Variants in IQGAP3 observed in about 807,000 individuals in gnomAD.
IQGAP3 encodes the protein IQ motif containing GTPase activating protein 3, also known as ras GTPase-activating-like protein IQGAP3.
IQGAP3 carries 165 observed loss-of-function variants against 208.2 expected under a neutral mutation model. The ratio of observed to expected loss-of-function variants is 0.79; its 90% CI spans 0.70 to 0.90. The LOEUF (loss-of-function observed/expected upper bound fraction) is 0.90, where lower values mean the gene tolerates loss of function less well. Ranked by LOEUF, IQGAP3 falls within the 40% of genes least tolerant of loss-of-function variation. The probability of loss-of-function intolerance (pLI) is 0.00; values close to 1 mark genes in which losing one functional copy is unlikely to be tolerated. For missense variants in IQGAP3, 1,811 were observed against 2,043.1 expected (o/e 0.89, Z 2.19); for synonymous variants, 703 against 803.6 (o/e 0.87, Z 2.12).
chr1:156,528,528 C>T lies in IQGAP3; in HGVS notation c.4654G>A (p.Glu1552Lys). 1 of 1,613,846 alleles carries T rather than the reference C, an allele frequency of 6.2e-7. No individual in the cohort carries two copies. Among genetic ancestry groups the T allele is most frequent in the Non-Finnish European group, 8.5e-7 (1 of 1,179,778 alleles). The change falls in exon 36 of 38, where the codon GAA becomes AAA. Residue 1552 changes from glutamate (E) to lysine (K), a missense_variant. Glu to Lys is a moderately conservative substitution (Grantham distance 56, BLOSUM62 1). Coordinates refer to ENST00000361170, the MANE Select transcript of IQGAP3 (RefSeq NM_178229.5). ...LLEKGVLVEI[E>K]DLPASHFRNV... ...ACATACTGAGAGGCGGGAAGATCTT[C>T]AATTTCCACCAAGACACCCTTTTCC...
chr1:156,530,269 G>C lies in IQGAP3; in HGVS notation c.4240C>G (p.Gln1414Glu), dbSNP rs373374039. The C allele has an allele frequency of 5.0e-6, 8 of 1,612,056 alleles. No individual in the cohort carries two copies. The highest frequency in any genetic ancestry group is 6.8e-6 in the Non-Finnish European group (8 of 1,179,996). The part of the protein sequence containing the change: ...LMSRRQACTA[Q>E]TPEPLRRHRS... ...TGTCGTCGCAGTGGCTCCGGTGTCT[G>C]GGCTGTACAGGCCTGGCGTCGGCTC... Residue 1414 changes from glutamine (Q) to glutamate (E), a missense_variant, in exon 34 of 38, where the codon CAG becomes GAG. Gln to Glu is a conservative substitution (Grantham distance 29). Coordinates refer to ENST00000361170, the MANE Select transcript of IQGAP3 (RefSeq NM_178229.5).
At position 156,537,334 on chromosome 1, in the gene IQGAP3, A is replaced by C. The variant is rs1674739972; in HGVS notation, c.3282-13T>G. ...ATATGGGAGATGGCTATGAGCAGAG[A>C]GAGACAAGGTGTAAGCAGGAGCCCC... is the stretch of plus-strand genomic sequence containing the variant. On this transcript the variant is annotated splice_polypyrimidine_tract_variant and intron_variant, in intron 26 of 37. Transcript: ENST00000361170. 6.2e-7 allele frequency: 1 copy of C among 1,607,004 alleles called. No individual in the cohort carries two copies. Among genetic ancestry groups the C allele is most frequent in the African/African-American group, 1.3e-5 (1 of 74,648 alleles).
Position 156,561,998 on chromosome 1 carries a change from T to G in IQGAP3, c.881A>C (p.His294Pro). ...IQGNINHVNV[H>P]GALEVVDDAL... Reference sequence around the variant, plus strand: ...ATCATCAACAACTTCTAGAGCCCCATGGACTGAAAAAAAATGACTCCATAA... The same window carrying G: ...ATCATCAACAACTTCTAGAGCCCCAGGGACTGAAAAAAAATGACTCCATAA... Residue 294 changes from histidine to proline, a missense_variant, in exon 10 of 38, where the codon CAT becomes CCT. By Grantham distance (77) the His-to-Pro change is moderately conservative (BLOSUM62 -2). Transcript: ENST00000361170. 1 of 1,603,180 alleles carries G rather than the reference T, an allele frequency of 6.2e-7. No individual in the cohort carries two copies. The highest frequency in any genetic ancestry group is 8.5e-7 in the Non-Finnish European group (1 of 1,175,676).
intron 3 of IQGAP3, 124 bp from the exon 4 acceptor site, chr1:156,566,228 G>A: frequency 1.7e-6 from 2 of 1,210,334 alleles, no homozygotes; most frequent in East Asian, 4.7e-5. Flanking sequence ...ACCACATCCT[G>A]TGGATTTTCC....
At chr1:156,534,174 GA>G in intron 29 of IQGAP3, 33 bp from the exon 30 acceptor site, 2 of 1,610,136 alleles carry the variant, frequency 1.2e-6, no homozygotes. Context: ...AGAGAGCGGG[GA>G]GGGCCAGCAC....
intron 1 of IQGAP3, 88 bp from the exon 2 acceptor site, chr1:156,569,551 T>C: frequency 1.5e-6 from 1 of 682,062 alleles, no homozygotes; most frequent in South Asian, 2.5e-5. Context: ...TTTTTTTTTT[T>C]TGAGACGCCC....
intron 10 of IQGAP3, 121 bp from the exon 11 acceptor site, chr1:156,561,142 C>G (rs986902048): frequency 1.1e-5 from 7 of 654,656 alleles, no homozygotes; most frequent in Non-Finnish European, 1.9e-5. Context: ...TACCTCTCTC[C>G]GTTAGGCTGG....
chr1:156,531,130 C>T (rs768922095), intron 33 of IQGAP3, 30 bp downstream of exon 33: 1 of 1,519,610 alleles, frequency 6.6e-7, no homozygotes, highest in Non-Finnish European at 9.1e-7. Flanking sequence ...ATGAATGAGA[C>T]AGAACCTGTG....
chr1:156,548,227 A>G lies in IQGAP3; in HGVS notation c.2150T>C (p.Val717Ala), dbSNP rs766536111. ...CTGTTGGCGGTCATAGGCAGCAGTG[A>G]CCTTGGTGACAGCTGACTGTGGAGG... is the stretch of plus-strand genomic sequence containing the variant. ...REEIQSAVTKVTAAYDRQQLW... is the reference protein window; with the variant it reads ...REEIQSAVTKATAAYDRQQLW... The change falls in exon 19 of 38, where the codon GTC (valine) becomes GCC (alanine). Residue 717 changes from valine to alanine, a missense_variant. Coordinates refer to ENST00000361170, the MANE Select transcript of IQGAP3 (RefSeq NM_178229.5). 1 of 1,613,734 alleles carries G rather than the reference A, an allele frequency of 6.2e-7. No homozygotes were observed. Among genetic ancestry groups the G allele is most frequent in the Non-Finnish European group, 8.5e-7 (1 of 1,179,696 alleles).
At position 156,529,094 on chromosome 1, in the gene IQGAP3, G is replaced by GAAC; in HGVS notation, c.4405-15_4405-13dup. 6.2e-7 allele frequency: 1 copy of GAAC among 1,613,634 alleles called. No individual in the cohort carries two copies. On this transcript the variant is annotated splice_polypyrimidine_tract_variant and intron_variant, in intron 34 of 37. Transcript: ENST00000361170. ...TGGTTGCGGATGTCCTGGGGTTGGGGAACAGATGGAGGGATGAGTGGTCCT... is the reference window on the plus strand; with the variant it reads ...TGGTTGCGGATGTCCTGGGGTTGGGGAACAACAGATGGAGGGATGAGTGGTCCT...
chr1:156,566,157 T>C, intron 3 of IQGAP3, 53 bp from the exon 4 acceptor site: 1 of 1,504,194 alleles, frequency 6.6e-7, no homozygotes, highest in Non-Finnish European at 9.3e-7. Context: ...GCACTCCCTA[T>C]GGGTAAAGCC....
At position 156,539,909 on chromosome 1, in the gene IQGAP3, C is replaced by A. The variant is rs771837814; in HGVS notation, c.2821G>T (p.Gly941Cys). 11 of 1,613,994 alleles carry A rather than the reference C, an allele frequency of 6.8e-6. No individual in the cohort carries two copies. Among genetic ancestry groups the A allele is most frequent in the African/African-American group, 1.3e-5 (1 of 74,902 alleles). ...SDMMVLDKQK[G>C]LKSLSKEKRQ... ...TTCTCTTTGCTCAGCGACTTTAAAC[C>A]CTTCTGCTTGTCCAGAACCATCATA... The change falls in exon 24 of 38, where the codon GGT (glycine) becomes TGT (cysteine). Residue 941 changes from glycine (G) to cysteine (C), a missense_variant. Transcript: ENST00000361170.
chr1:156,539,671 C>T lies in IQGAP3; in HGVS notation c.2893-134G>A. 5.0e-6 allele frequency: 6 copies of T among 1,191,122 alleles called. No individual in the cohort carries two copies. The East Asian group carries it at 1.4e-4, about 28-fold the overall frequency. 73.8% of individuals were successfully genotyped at this position (1,191,122 alleles called of 1,614,324 possible). ...CCACACTTTCTCCAGGTGCTAGTAA[C>T]ATTCCAGACAAACAGGGGAAGAGGT... On this transcript the variant is annotated intron_variant, in intron 24 of 37. Coordinates refer to ENST00000361170, the MANE Select transcript of IQGAP3 (RefSeq NM_178229.5).
Position 156,535,151 on chromosome 1 carries a change from G to A in IQGAP3, c.3507+12C>T, listed in dbSNP as rs755248146. 3.7e-6 allele frequency: 6 copies of A among 1,600,950 alleles called. No individual in the cohort carries two copies. The South Asian group carries it at 5.5e-5, about 15-fold the overall frequency. ...AGGGATTGGGAGGTGGGGGTGGGGA[G>A]ACAACACTTGCCTTATAGACCTCGC... On this transcript the variant is annotated intron_variant, in intron 28 of 37. Coordinates refer to ENST00000361170, the MANE Select transcript of IQGAP3 (RefSeq NM_178229.5).
intron 34 of IQGAP3, among the ~76,000 whole-genome samples, chr1:156,529,789 C>T (rs889990750): frequency 4.0e-5 from 6 of 151,700 alleles, no homozygotes; most frequent in Admixed American, 6.6e-5. Context: ...GGCATGGCAG[C>T]GCGCACCTGT....
chr1:156,555,046 C>T (rs573682075), intron 12 of IQGAP3, among the ~76,000 whole-genome samples: 1 of 151,784 alleles, frequency 6.6e-6, no homozygotes, highest in South Asian at 2.1e-4. Flanking sequence ...AGAGCCAGAC[C>T]GTCTTAAAAT....
intron 11 of IQGAP3, among the ~76,000 whole-genome samples, chr1:156,557,606 G>C (rs1181136892): frequency 1.6e-4 from 11 of 69,740 alleles, no homozygotes; most frequent in African/African-American, 4.7e-4. Context: ...CATCCGGGAG[G>C]GAGGTGGGGG....
At chr1:156,539,315 C>G in intron 25 of IQGAP3, 59 bp downstream of exon 25, 2 of 1,507,432 alleles carry the variant, frequency 1.3e-6, no homozygotes, top group Non-Finnish European at 9.1e-7. Flanking sequence ...TGTGAAGGAG[C>G]CAACAGGGGG....
At chr1:156,557,266 C>T (rs1675864821) in intron 11 of IQGAP3, among the ~76,000 whole-genome samples, 1 of 7,340 alleles carries the variant, frequency 1.4e-4, no homozygotes, top group African/African-American at 1.4e-4. Context: ...TCTGCCCGGC[C>T]AGCCGCCCCG....
Sources: gnomAD v4.1 joint callset for allele counts (sites outside exome capture counted in the v4.1 genomes callset) on GRCh38, gnomAD v4.1.1 for gene constraint, MANE v1.5 for transcripts, NCBI Gene and HGNC (gene_info 2026-07-23, HGNC 2026-07-21) for gene names.